HLF: variants seen among roughly 807,000 people sequenced by gnomAD.
HLF encodes the protein hepatic leukemia factor.
Under a neutral mutation model 22.6 loss-of-function variants are expected in HLF, and 3 were observed. That is an observed-to-expected ratio of 0.13 (90% confidence interval 0.06 to 0.34). The LOEUF is 0.34. HLF is among the 10% of genes least tolerant of loss of function. The pLI, the probability that HLF is intolerant of heterozygous loss-of-function variation, is 1.00. For synonymous variants in HLF, 151 were observed against 151.8 expected (o/e 0.99, Z 0.04); for missense variants, 299 against 389.2 (o/e 0.77, Z 1.95).
rs1905377304 is a variant in HLF, at chr17:55,324,364, T to C, written c.*3485T>C. On this transcript the variant is annotated 3_prime_UTR_variant, in exon 4 of 4. Transcript: ENST00000226067. ...TTTCGGAAGAAGCAAGAATTATCAG[T>C]GGCACCCTCCCCACTGCCCCCAGTG... 1.7e-5 allele frequency: 4 copies of C among 230,334 alleles called. No individual in the cohort carries two copies. The highest frequency in any genetic ancestry group is 3.4e-5 in the Non-Finnish European group (4 of 116,312). The allele number at this position is 230,334 out of a possible 1,614,324, so 14.3% of individuals were successfully genotyped here.
intron 2 of HLF, among the ~76,000 whole-genome samples, chr17:55,300,462 T>C (rs1486673134): frequency 2.0e-5 from 3 of 152,204 alleles, no homozygotes; most frequent in African/African-American, 7.2e-5. Flanking sequence ...TACATTGGTA[T>C]ATGAAGCTGA....
intron 2 of HLF, among the ~76,000 whole-genome samples, chr17:55,276,543 C>T (rs1037097370): frequency 1.3e-5 from 2 of 152,074 alleles, no homozygotes; most frequent in African/African-American, 2.4e-5. Flanking sequence ...GTGATGGGCC[C>T]GGAAGGAGGG....
Position 55,267,770 on chromosome 17 carries a change from C to T in HLF, c.135C>T (p.Asp45=). The change falls in exon 2 of 4, where the codon GAC becomes GAT. Residue 45 remains aspartate, a synonymous_variant. Coordinates refer to ENST00000226067, the MANE Select transcript of HLF (RefSeq NM_002126.5). Reference sequence around the variant, plus strand: ...CTGCAGCATTTAGTAAAGATAAAGACAAGGAAAAGAAGCTGGATGATGAGA... The same window carrying T: ...CTGCAGCATTTAGTAAAGATAAAGATAAGGAAAAGAAGCTGGATGATGAGA... ...HHEDAFSKDK[D]KEKKLDDESN... The T allele has an allele frequency of 1.3e-6, 2 of 1,584,708 alleles. No homozygotes were observed. The highest frequency in any genetic ancestry group is 8.6e-7 in the Non-Finnish European group (1 of 1,159,802).
intron 2 of HLF, chr17:55,271,599 G>A (rs1463020718): frequency 6.6e-6 from 1 of 152,116 alleles, no homozygotes; most frequent in African/African-American, 2.4e-5. Flanking sequence ...ACACAATCTT[G>A]GCTCGCTGCA....
intron 3 of HLF, among the ~76,000 whole-genome samples, chr17:55,318,033 T>C (rs139683776): frequency 1.6e-3 from 249 of 152,320 alleles, no homozygotes; most frequent in Non-Finnish European, 2.8e-3. Context: ...ATACTGATAC[T>C]GTTCCTGCCT....
chr17:55,283,765 A>G (rs1356684931), intron 2 of HLF: 1 of 152,152 alleles, frequency 6.6e-6, no homozygotes, highest in Non-Finnish European at 1.5e-5. Context: ...GCAGCCACAA[A>G]CCACAGGCCC....
chr17:55,306,522 A>G (rs1904561323), intron 2 of HLF, among the ~76,000 whole-genome samples: 2 of 145,236 alleles, frequency 1.4e-5, no homozygotes, highest in Admixed American at 6.9e-5. Context: ...TGCCATCTGA[A>G]TGAGGCAAAA....
At chr17:55,303,728 G>T (rs1904406019) in intron 2 of HLF, among the ~76,000 whole-genome samples, 1 of 152,112 alleles carries the variant, frequency 6.6e-6, no homozygotes, top group Admixed American at 6.5e-5. Flanking sequence ...AAAGTCCTTG[G>T]GCATGCACGG....
At chr17:55,293,678 T>C (rs1398643082) in intron 2 of HLF, among the ~76,000 whole-genome samples, 3 of 152,170 alleles carry the variant, frequency 2.0e-5, no homozygotes, top group Non-Finnish European at 2.9e-5. Flanking sequence ...AGCAAAATGG[T>C]GCTGGGGGCG....
At chr17:55,291,108 A>G (rs1303073572) in intron 2 of HLF, among the ~76,000 whole-genome samples, 3 of 152,260 alleles carry the variant, frequency 2.0e-5, no homozygotes, top group African/African-American at 4.8e-5. Context: ...AGCCATCTCT[A>G]TAACAAAAAG....
In HLF at chr17:55,321,181, C is replaced by T. The variant is rs879525353; in HGVS notation, c.*302C>T. On this transcript the variant is annotated 3_prime_UTR_variant, in exon 4 of 4. Transcript: ENST00000226067. ...TCTTTACTAGACTGAGGAGCCCTCT[C>T]GCGGGTCTCCCATCCCCTCCCTCCT... 2.9e-4 allele frequency: 94 copies of T among 323,056 alleles called. No homozygotes were observed. The highest frequency in any genetic ancestry group is 8.5e-4 in the Middle Eastern group (1 of 1,172). The allele number at this position is 323,056 out of a possible 1,614,324, so 20.0% of individuals were successfully genotyped here.
intron 1 of HLF, chr17:55,267,502 T>G: frequency 2.4e-6 from 1 of 417,504 alleles, no homozygotes; most frequent in Non-Finnish European, 4.2e-6. Context: ...TTATCCTAGA[T>G]CAGCCTGTAG....
At chr17:55,305,124 C>T (rs17210532) in intron 2 of HLF, among the ~76,000 whole-genome samples, 21,873 of 152,212 alleles carry the variant, frequency 0.14, 1,975 homozygotes, top group East Asian at 0.43. Flanking sequence ...CTTCATGTGA[C>T]GGAATACATC....
intron 2 of HLF, among the ~76,000 whole-genome samples, chr17:55,298,363 A>C (rs1162678176): frequency 2.0e-5 from 3 of 152,188 alleles, no homozygotes; most frequent in African/African-American, 7.2e-5. Flanking sequence ...AGCTGAAAGA[A>C]GACGCATGGA....
rs553746581 is a variant in HLF, at chr17:55,264,996, G to T, written c.-489G>T. 3.6e-5 allele frequency: 6 copies of T among 166,892 alleles called. No individual in the cohort carries two copies. Among genetic ancestry groups the T allele is most frequent in the South Asian group, 2.1e-4 (1 of 4,738 alleles). The allele number at this position is 166,892 out of a possible 1,614,324, so 10.3% of individuals were successfully genotyped here. ...GGCCGCGGCACATGGGCGGCCGGAT[G>T]CGCTGAGCCCGGCGCTGCGGGGCCG... On this transcript the variant is annotated 5_prime_UTR_variant, in exon 1 of 4. The change abolishes an upstream ATG in the 5' untranslated region. Transcript: ENST00000226067.
intron 2 of HLF, among the ~76,000 whole-genome samples, chr17:55,312,230 A>C (rs141873755): frequency 6.6e-6 from 1 of 152,328 alleles, no homozygotes; most frequent in Non-Finnish European, 1.5e-5. Context: ...TAGTTCTTTG[A>C]GAACTCTCCA....
intron 2 of HLF, among the ~76,000 whole-genome samples, chr17:55,292,905 T>C (rs1267185653): frequency 6.6e-6 from 1 of 152,140 alleles, no homozygotes; most frequent in Non-Finnish European, 1.5e-5. Flanking sequence ...AAGACAAATA[T>C]TGTATGTTCT....
intron 2 of HLF, among the ~76,000 whole-genome samples, chr17:55,269,314 T>G (rs1472778199): frequency 6.6e-6 from 1 of 152,194 alleles, no homozygotes; most frequent in Admixed American, 6.5e-5. Context: ...GAATTAATTC[T>G]TAGCCTCCAG....
Position 55,320,344 on chromosome 17 carries a change from A to C in HLF, c.673-320A>C, listed in dbSNP as rs1211664475. Among the ~76,000 whole-genome samples the C allele has an allele frequency of 1.3e-5, 2 of 152,208 alleles. No individual in the cohort carries two copies. Among genetic ancestry groups the C allele is most frequent in the African/African-American group, 4.8e-5 (2 of 41,440 alleles). On this transcript the variant is annotated intron_variant, in intron 3 of 3. Coordinates refer to ENST00000226067, the MANE Select transcript of HLF (RefSeq NM_002126.5). The surrounding 1 kb of genome is among the most constrained non-coding windows in gnomAD (Gnocchi z 4.2). ...AAATGTTGAGCAGGGAGAGTAAAGA[A>C]AGTTGAAATGTAATTTAAGGGTGAG...
Sources: gnomAD v4.1 joint callset for allele counts (sites outside exome capture counted in the v4.1 genomes callset) on GRCh38, gnomAD v4.1.1 for gene constraint, Gnocchi (gnomAD v3.1) non-coding constraint, MANE v1.5 for transcripts, NCBI Gene and HGNC (gene_info 2026-07-23, HGNC 2026-07-21) for gene names.